Variants in PPP2R3A observed in about 807,000 individuals in gnomAD.
PPP2R3A encodes the protein protein phosphatase 2 regulatory subunit B''alpha, also known as serine/threonine-protein phosphatase 2A regulatory subunit B'' subunit alpha.
PPP2R3A carries 80 observed loss-of-function variants against 106.9 expected under a neutral mutation model. The observed-to-expected ratio is 0.75, with a 90% confidence interval of 0.62 to 0.90. PPP2R3A has a LOEUF of 0.90. PPP2R3A is among the 40% of genes least tolerant of loss of function. The probability of loss-of-function intolerance (pLI) is 0.00; values close to 1 mark genes in which losing one functional copy is unlikely to be tolerated. For missense variants in PPP2R3A, 1,386 were observed against 1,350.4 expected (o/e 1.03, Z -0.41); for synonymous variants, 483 against 468.3 (o/e 1.03, Z -0.41).
chr3:136,098,149 C>T (rs1937258978), intron 10 of PPP2R3A, among the ~76,000 whole-genome samples: 1 of 152,160 alleles, frequency 6.6e-6, no homozygotes, highest in Non-Finnish European at 1.5e-5. Flanking sequence ...CTGATCTCTA[C>T]AAAAAGTTTT....
intron 4 of PPP2R3A, among the ~76,000 whole-genome samples, chr3:136,044,708 A>G (rs1291597742): frequency 6.6e-6 from 1 of 152,152 alleles, no homozygotes; most frequent in Non-Finnish European, 1.5e-5. Flanking sequence ...CTTTTAAGAG[A>G]AAGCACTGAG....
At chr3:135,985,789 A>G (rs561352343) in intron 1 of PPP2R3A, among the ~76,000 whole-genome samples, 1 of 152,294 alleles carries the variant, frequency 6.6e-6, no homozygotes, top group Non-Finnish European at 1.5e-5. Context: ...ATGTTGTGGG[A>G]AAAAAAGATC....
intron 13 of PPP2R3A, among the ~76,000 whole-genome samples, chr3:136,125,704 A>T (rs187818290): frequency 6.6e-6 from 1 of 152,256 alleles, no homozygotes; most frequent in East Asian, 1.9e-4. Context: ...AAGAAAACAA[A>T]GCAATGTCCC....
At chr3:136,039,491 T>G (rs1935188904) in intron 3 of PPP2R3A, among the ~76,000 whole-genome samples, 1 of 151,994 alleles carries the variant, frequency 6.6e-6, no homozygotes, top group African/African-American at 2.4e-5. Context: ...TGGGGGTAGT[T>G]TCAGGATGAA....
chr3:136,074,840 T>C (rs1230516596), intron 6 of PPP2R3A, among the ~76,000 whole-genome samples: 6 of 152,170 alleles, frequency 3.9e-5, no homozygotes, highest in African/African-American at 1.2e-4. Flanking sequence ...CTCTTCCCCC[T>C]TGAAAACTTT....
In PPP2R3A at chr3:136,009,099, A is replaced by G. The variant is rs139233929; in HGVS notation, c.1995+5606A>G. Reference sequence around the variant, plus strand: ...CTGAATTCATGATGATTTACCGGCAAAGTTTCCTATGTCATATCTCTTCTC... The same window carrying G: ...CTGAATTCATGATGATTTACCGGCAGAGTTTCCTATGTCATATCTCTTCTC... On this transcript the variant is annotated intron_variant, in intron 2 of 13. Coordinates refer to ENST00000264977, the MANE Select transcript of PPP2R3A (RefSeq NM_002718.5). Among the ~76,000 whole-genome samples the G allele has an allele frequency of 2.2e-4, 33 of 152,144 alleles. No individual in the cohort carries two copies. The East Asian group carries it at 5.8e-3, about 27-fold the overall frequency.
At chr3:135,983,887 C>A (rs1339959642) in intron 1 of PPP2R3A, among the ~76,000 whole-genome samples, 1 of 152,192 alleles carries the variant, frequency 6.6e-6, no homozygotes, top group Non-Finnish European at 1.5e-5. Flanking sequence ...AGAGGTAGCA[C>A]TTAACATTAT....
At chr3:136,031,043 A>G (rs1442680242) in intron 3 of PPP2R3A, among the ~76,000 whole-genome samples, 2 of 152,086 alleles carry the variant, frequency 1.3e-5, no homozygotes, top group African/African-American at 2.4e-5. Flanking sequence ...AAGAATCTCC[A>G]CACTGTTTTC....
chr3:135,974,665 C>T (rs1222518089), intron 1 of PPP2R3A, among the ~76,000 whole-genome samples: 2 of 152,228 alleles, frequency 1.3e-5, no homozygotes, highest in Admixed American at 6.5e-5. Context: ...TGTCTCCCTT[C>T]CCTTTCAAAC....
chr3:136,070,102 C>G (rs971215041), intron 5 of PPP2R3A, among the ~76,000 whole-genome samples: 1 of 152,108 alleles, frequency 6.6e-6, no homozygotes, highest in African/African-American at 2.4e-5. Context: ...TGGCTTGCAT[C>G]TACTGTCCAC....
At position 136,090,710 on chromosome 3, in the gene PPP2R3A, C is replaced by T. The variant is rs1487223262; in HGVS notation, c.2927+43C>T. On this transcript the variant is annotated intron_variant, in intron 10 of 13. Transcript: ENST00000264977. Reference sequence around the variant, plus strand: ...CCTTTGCCAAGATGTTAAACACATGCACAAAGCTTGAAAAAGTCATGGTGT... The same window carrying T: ...CCTTTGCCAAGATGTTAAACACATGTACAAAGCTTGAAAAAGTCATGGTGT... 2.0e-6 allele frequency: 3 copies of T among 1,512,760 alleles called. No homozygotes were observed. In the South Asian group the frequency reaches 3.4e-5, roughly 17 times the overall value. 93.7% of individuals were successfully genotyped at this position (1,512,760 alleles called of 1,614,324 possible).
At chr3:136,033,948 G>A (rs1242210069) in intron 3 of PPP2R3A, among the ~76,000 whole-genome samples, 4 of 149,990 alleles carry the variant, frequency 2.7e-5, no homozygotes, top group Non-Finnish European at 5.9e-5. Context: ...GTTTGGGTTT[G>A]GTTTGTTCCA....
intron 9 of PPP2R3A, among the ~76,000 whole-genome samples, chr3:136,088,561 G>A (rs1937017381): frequency 6.6e-6 from 1 of 152,134 alleles, no homozygotes; most frequent in Non-Finnish European, 1.5e-5. Flanking sequence ...AAACATACAA[G>A]TACCTGTATC....
chr3:135,978,360 T>A (rs1305230404), intron 1 of PPP2R3A, among the ~76,000 whole-genome samples: 1 of 151,856 alleles, frequency 6.6e-6, no homozygotes, highest in Non-Finnish European at 1.5e-5. Flanking sequence ...TTAAGAGGCT[T>A]TAATTTCTAA....
rs753492217 is a variant in PPP2R3A at position 136,003,488 on chromosome 3, A to G, written c.1990A>G (p.Ile664Val). ...TTTGATTCAGCAGACTCCAGAGGTGATCAAGGTAAGACCCAACAATTTTGA... is the reference window on the plus strand; with the variant it reads ...TTTGATTCAGCAGACTCCAGAGGTGGTCAAGGTAAGACCCAACAATTTTGA... ...AVLIQQTPEVIKIQNKPEKKP... is the reference protein window; with the variant it reads ...AVLIQQTPEVVKIQNKPEKKP... Residue 664 changes from isoleucine to valine, a missense_variant, in exon 2 of 14, where the codon ATC (isoleucine) becomes GTC (valine). Ile to Val is a conservative substitution (Grantham distance 29). Transcript: ENST00000264977. 19 of 1,598,152 alleles carry G rather than the reference A, an allele frequency of 1.2e-5. No individual in the cohort carries two copies. Among genetic ancestry groups the G allele is most frequent in the African/African-American group, 6.7e-5 (5 of 74,100 alleles).
chr3:136,049,224 G>A, intron 4 of PPP2R3A, 35 bp from the exon 5 acceptor site: 1 of 1,469,406 alleles, frequency 6.8e-7, no homozygotes, highest in Non-Finnish European at 9.4e-7. Flanking sequence ...TTGTTCAGAG[G>A]AACTAATCTT....
chr3:136,123,826 T>C (rs1938085855), intron 13 of PPP2R3A, among the ~76,000 whole-genome samples: 1 of 152,208 alleles, frequency 6.6e-6, no homozygotes, highest in African/African-American at 2.4e-5. Context: ...ACACTTCTCA[T>C]TCAGTAATTG....
At chr3:135,966,884 G>A (rs1214744048) in intron 1 of PPP2R3A, among the ~76,000 whole-genome samples, 2 of 151,846 alleles carry the variant, frequency 1.3e-5, no homozygotes. Context: ...TTAGTCTCAG[G>A]CCTTAGTTTC....
At chr3:136,053,468 T>C (rs1038975590) in intron 5 of PPP2R3A, among the ~76,000 whole-genome samples, 3 of 152,116 alleles carry the variant, frequency 2.0e-5, no homozygotes, top group African/African-American at 7.2e-5. Context: ...CCTGTGCTCA[T>C]CAAGGCCCAG....
Sources: gnomAD v4.1 joint callset for allele counts (sites outside exome capture counted in the v4.1 genomes callset) on GRCh38, gnomAD v4.1.1 for gene constraint, MANE v1.5 for transcripts, NCBI Gene and HGNC (gene_info 2026-07-23, HGNC 2026-07-21) for gene names.